The following SH3GL3 variants were observed in gnomAD, a reference collection of about 807,000 sequenced individuals.
SH3GL3 encodes SH3 domain containing GRB2 like 3, endophilin A3, also known as endophilin-A3.
A neutral mutation model predicts 47.7 loss-of-function variants in SH3GL3; 33 were observed. That is an observed-to-expected ratio of 0.69 (90% CI 0.52 to 0.92). SH3GL3 has a LOEUF of 0.92. Ranked by LOEUF, SH3GL3 falls within the 40% of genes least tolerant of loss-of-function variation. SH3GL3 has a pLI of 0.00. For missense variants in SH3GL3, 363 were observed against 417.8 expected, an observed-to-expected ratio of 0.87 and a Z score of 1.14; for synonymous variants, 155 against 148.8, an observed-to-expected ratio of 1.04 and a Z score of -0.30.
intron 2 of SH3GL3, among the ~76,000 whole-genome samples, chr15:83,561,315 C>T (rs1441308763): frequency 1.3e-5 from 2 of 151,950 alleles, no homozygotes; most frequent in African/African-American, 4.8e-5. Context: ...CTTCTAAATT[C>T]TGGATGTTTG....
intron 8 of SH3GL3, among the ~76,000 whole-genome samples, chr15:83,615,980 C>T (rs1242844249): frequency 6.6e-6 from 1 of 152,008 alleles, no homozygotes; most frequent in Non-Finnish European, 1.5e-5. Context: ...AGTTTGACTG[C>T]TTATACTCTT....
chr15:83,531,807 G>A (rs146492969), intron 1 of SH3GL3, among the ~76,000 whole-genome samples: 5 of 152,168 alleles, frequency 3.3e-5, no homozygotes. Flanking sequence ...GGGATGTAGA[G>A]TGGATAACAC....
Position 83,525,887 on chromosome 15 carries a change from A to G in SH3GL3, c.46-33366A>G, listed in dbSNP as rs59733054. On this transcript the variant is annotated intron_variant, in intron 1 of 8. Transcript: ENST00000427482. ...TCGTGTTCTGTTGGTCTGTGTGACT[A>G]TTTATATGCTGATACCGTGATGCTT... Among the ~76,000 whole-genome samples, 519 of 152,194 alleles carry G rather than the reference A, an allele frequency of 3.4e-3. 5 individuals carry two copies. The highest frequency in any genetic ancestry group is 0.011 in the African/African-American group (475 of 41,544).
intron 8 of SH3GL3, among the ~76,000 whole-genome samples, chr15:83,615,325 T>G (rs941273503): frequency 1.3e-5 from 2 of 152,152 alleles, no homozygotes; most frequent in African/African-American, 2.4e-5. Flanking sequence ...ATTTATTTAT[T>G]TATTTTTGAG....
At position 83,447,915 on chromosome 15, in the gene SH3GL3, C is replaced by T. The variant is rs953903287; in HGVS notation, c.45+337C>T. 2.0e-5 allele frequency among the ~76,000 whole-genome samples: 3 copies of T among 152,234 alleles called. No homozygotes were observed. Among genetic ancestry groups the T allele is most frequent in the African/African-American group, 4.8e-5 (2 of 41,552 alleles). On this transcript the variant is annotated intron_variant, in intron 1 of 8. Transcript: ENST00000427482. This position sits in a 1 kb window ranked among gnomAD's most constrained non-coding sequence, Gnocchi z 5.1. The stretch of plus-strand genomic sequence containing the variant: ...GGCCCCTACCCGCGCGAGGGGAGGA[C>T]GACCACAGGGAGTACGATGCCGGCA...
chr15:83,633,655 GC>G, the SH3GL3 span, among the ~76,000 whole-genome samples: 2 of 152,104 alleles, frequency 1.3e-5, no homozygotes, highest in Non-Finnish European at 2.9e-5. Context: ...CAAGTCATGG[GC>G]CCCCCACCTG....
At chr15:83,467,493 A>G (rs979960049) in intron 1 of SH3GL3, among the ~76,000 whole-genome samples, 3 of 152,176 alleles carry the variant, frequency 2.0e-5, no homozygotes, top group African/African-American at 7.2e-5. Context: ...ATTCTTTTTC[A>G]GAATTGTTTT....
intron 1 of SH3GL3, among the ~76,000 whole-genome samples, chr15:83,458,382 C>G (rs557266081): frequency 6.6e-6 from 1 of 152,330 alleles, no homozygotes; most frequent in East Asian, 1.9e-4. Flanking sequence ...AGTGGCCTTC[C>G]TGAGCCAGGT....
intron 1 of SH3GL3, among the ~76,000 whole-genome samples, chr15:83,496,358 CAA>C (rs57113409): frequency 2.2e-5 from 2 of 89,506 alleles, no homozygotes; most frequent in African/African-American, 8.3e-5. Flanking sequence ...GATTATGTCT[CAA>C]AAAAAAAAAA....
chr15:83,535,610 CG>C (rs1555490809), intron 1 of SH3GL3, among the ~76,000 whole-genome samples: 3 of 152,184 alleles, frequency 2.0e-5, no homozygotes, highest in Non-Finnish European at 2.9e-5. Context: ...TCTGGGAACA[CG>C]GGGTCCCAGA....
intron 1 of SH3GL3, among the ~76,000 whole-genome samples, chr15:83,461,039 C>G (rs1354127374): frequency 6.6e-6 from 1 of 151,600 alleles, no homozygotes; most frequent in Non-Finnish European, 1.5e-5. Flanking sequence ...GCCGAGATCA[C>G]GCCACTGCAC....
intron 1 of SH3GL3, among the ~76,000 whole-genome samples, chr15:83,542,429 G>A (rs1366591779): frequency 1.3e-5 from 2 of 152,070 alleles, no homozygotes; most frequent in African/African-American, 4.8e-5. Flanking sequence ...TATTCATTTT[G>A]CTCAGGATGG....
chr15:83,508,641 G>A (rs761549823), intron 1 of SH3GL3, among the ~76,000 whole-genome samples: 39 of 151,886 alleles, frequency 2.6e-4, no homozygotes, highest in Non-Finnish European at 5.4e-4. Flanking sequence ...GCAGTGGCAC[G>A]ATCTCAGCTC....
intron 1 of SH3GL3, chr15:83,489,234 T>C (rs549147349): frequency 1.3e-5 from 2 of 152,340 alleles, no homozygotes; most frequent in South Asian, 4.1e-4. Context: ...TCATGCTCAT[T>C]GATCTGCTTT....
intron 1 of SH3GL3, among the ~76,000 whole-genome samples, chr15:83,509,088 CACATTTAAAAAAT>C (rs1307979642): frequency 2.0e-5 from 3 of 152,208 alleles, no homozygotes; most frequent in African/African-American, 7.2e-5. Context: ...TAAGAAACTA[CACATTTAAAAAAT>C]ACATATTTTT....
intron 2 of SH3GL3, among the ~76,000 whole-genome samples, chr15:83,562,030 A>AC (rs1323661188): frequency 1.5e-5 from 2 of 132,980 alleles, no homozygotes; most frequent in African/African-American, 5.5e-5. Flanking sequence ...ACACACACAC[A>AC]ACACACACAC....
At chr15:83,626,763 C>G in the SH3GL3 span, among the ~76,000 whole-genome samples, 1 of 152,176 alleles carries the variant, frequency 6.6e-6, no homozygotes, top group African/African-American at 2.4e-5. Context: ...TGGCACTTGT[C>G]TCTTTGTCCT....
intron 2 of SH3GL3, among the ~76,000 whole-genome samples, chr15:83,560,943 A>G (rs1415249149): frequency 6.6e-6 from 1 of 152,206 alleles, no homozygotes; most frequent in Non-Finnish European, 1.5e-5. Context: ...AGGAAATTAT[A>G]ATAGTTATGA....
Position 83,526,899 on chromosome 15 carries a change from A to G in SH3GL3, c.46-32354A>G, listed in dbSNP as rs150279211. ...GTGTCCTCTTCAATTTCTTTCATCA[A>G]TGTTTTGTAATTTTCCTTGTAGAGA... is the stretch of plus-strand genomic sequence containing the variant. On this transcript the variant is annotated intron_variant, in intron 1 of 8. Transcript: ENST00000427482. 5.7e-4 allele frequency among the ~76,000 whole-genome samples: 87 copies of G among 152,180 alleles called. No homozygotes were observed. In the East Asian group the frequency reaches 0.014, roughly 25 times the overall value.
Sources: allele counts gnomAD v4.1 joint callset (sites outside exome capture counted in the v4.1 genomes callset), GRCh38; gene constraint gnomAD v4.1.1; non-coding constraint Gnocchi (gnomAD v3.1); transcripts MANE v1.5; gene names NCBI Gene and HGNC (gene_info 2026-07-23, HGNC 2026-07-21).